TTC23: variants seen among roughly 807,000 people sequenced by gnomAD.
The protein encoded by TTC23 is tetratricopeptide repeat domain 23, also known as tetratricopeptide repeat protein 23.
A neutral mutation model predicts 55.1 loss-of-function variants in TTC23; 58 were observed. The observed-to-expected ratio is 1.05, with a 90% CI of 0.85 to 1.31. The LOEUF (loss-of-function observed/expected upper bound fraction) is 1.31. Ranked by LOEUF, TTC23 falls within the 50% of genes most tolerant of loss-of-function variation. The pLI is 0.00. For synonymous variants in TTC23, 203 were observed against 199.9 expected (o/e 1.02, Z -0.13); for missense variants, 516 against 534.4 (o/e 0.97, Z 0.34).
intron 9 of TTC23, among the ~76,000 whole-genome samples, chr15:99,189,143 CAAGT>C (rs1388084332): frequency 6.6e-6 from 1 of 152,022 alleles, no homozygotes; most frequent in Non-Finnish European, 1.5e-5. Flanking sequence ...TACATCTCTA[CAAGT>C]AAGGGAGATT....
intron 12 of TTC23, among the ~76,000 whole-genome samples, chr15:99,147,175 G>T (rs2068992432): frequency 6.7e-6 from 1 of 149,284 alleles, no homozygotes; most frequent in Non-Finnish European, 1.5e-5. Flanking sequence ...GCCTCTCAAA[G>T]TGTTGGGATT....
rs1347595740 is a variant in TTC23, at chr15:99,161,786, A to G, written c.947T>C (p.Ile316Thr). ...TAGAAAATGGCAAAATTCATCTTGA[A>G]TTGAAAGAAATTTGGTTCTTCCCAT... ...EGMGRTKFLS[I>T]QDEFCHFLQM... The change falls in exon 11 of 14, where the codon ATT becomes ACT. Residue 316 changes from isoleucine (I) to threonine (T), a missense_variant. Ile to Thr is a moderately conservative substitution (Grantham distance 89). Transcript: ENST00000394132. 6.2e-7 allele frequency: 1 copy of G among 1,613,632 alleles called. No individual in the cohort carries two copies. Among genetic ancestry groups the G allele is most frequent in the African/African-American group, 1.3e-5 (1 of 75,032 alleles).
chr15:99,204,908 C>CCTGTG (rs2076497140), intron 8 of TTC23, among the ~76,000 whole-genome samples: 1 of 152,076 alleles, frequency 6.6e-6, no homozygotes, highest in Non-Finnish European at 1.5e-5. Context: ...AGTGCTGGGA[C>CCTGTG]TACAGGCATG....
intron 11 of TTC23, chr15:99,158,172 G>A (rs1195657885): frequency 6.6e-6 from 1 of 152,222 alleles, no homozygotes; most frequent in African/African-American, 2.4e-5. Flanking sequence ...AGGCCCCACT[G>A]AGGTACATGA....
intron 4 of TTC23, among the ~76,000 whole-genome samples, chr15:99,228,949 T>C (rs1349813398): frequency 9.3e-6 from 1 of 107,678 alleles, no homozygotes; most frequent in Non-Finnish European, 2.0e-5. Flanking sequence ...TATGCCTACA[T>C]ACATATACAC....
chr15:99,156,164 C>T lies in TTC23; in HGVS notation c.1127G>A (p.Arg376His), dbSNP rs757937021. 2.3e-5 allele frequency: 37 copies of T among 1,614,080 alleles called. No individual in the cohort carries two copies. The highest frequency in any genetic ancestry group is 4.0e-5 in the African/African-American group (3 of 74,920). Residue 376 changes from arginine (R) to histidine (H), a missense_variant, in exon 12 of 14, where the codon CGC (arginine) becomes CAC (histidine). Coordinates refer to ENST00000394132, the MANE Select transcript of TTC23 (RefSeq NM_001288615.3). ...CAGCTTTACCTTCTTCAGTTTCTTG[C>T]GGGCCCCACTGTGGTTCCCCTGCGC... ...DLAQGNHSGARKKLKKCLQIQ... is the reference protein window; with the variant it reads ...DLAQGNHSGAHKKLKKCLQIQ...
In TTC23 at chr15:99,209,875, C is replaced by T. The variant is rs73463400; in HGVS notation, c.581+8713G>A. On this transcript the variant is annotated intron_variant, in intron 8 of 13. Transcript: ENST00000394132. Reference sequence around the variant, plus strand: ...TCAGCCTCTGGAATAGCTGGGACTACAGGTGTATGCTACAACGCCTGGCTA... The same window carrying T: ...TCAGCCTCTGGAATAGCTGGGACTATAGGTGTATGCTACAACGCCTGGCTA... 9.8e-3 allele frequency among the ~76,000 whole-genome samples: 1,492 copies of T among 152,236 alleles called. 27 individuals are homozygous for T. Among genetic ancestry groups the T allele is most frequent in the African/African-American group, 0.034 (1,420 of 41,522 alleles).
chr15:99,189,044 T>A (rs76265735), intron 9 of TTC23, among the ~76,000 whole-genome samples: 5 of 107,566 alleles, frequency 4.6e-5, no homozygotes, highest in Admixed American at 9.7e-5. Context: ...AATAAAAAAA[T>A]AATTTCAAAA....
At chr15:99,202,601 C>T (rs2076289575) in intron 8 of TTC23, among the ~76,000 whole-genome samples, 1 of 152,170 alleles carries the variant, frequency 6.6e-6, no homozygotes, top group Non-Finnish European at 1.5e-5. Flanking sequence ...TAGGTGAAGA[C>T]CACGGAAAAC....
At chr15:99,244,033 T>TC (rs2080027948) in intron 2 of TTC23, among the ~76,000 whole-genome samples, 1 of 152,178 alleles carries the variant, frequency 6.6e-6, no homozygotes, top group Non-Finnish European at 1.5e-5. Context: ...AGATACCCAC[T>TC]TACTCTGATG....
intron 8 of TTC23, among the ~76,000 whole-genome samples, chr15:99,207,487 G>A (rs1288646875): frequency 3.3e-5 from 5 of 152,126 alleles, no homozygotes; most frequent in South Asian, 2.1e-4. Context: ...GGCCAGGTGC[G>A]GTAGCTCATG....
chr15:99,162,495 C>T (rs962876041), intron 10 of TTC23, among the ~76,000 whole-genome samples: 4 of 152,034 alleles, frequency 2.6e-5, no homozygotes, highest in Non-Finnish European at 4.4e-5. Context: ...GAGAAGTGAG[C>T]GGGAGCTGAG....
chr15:99,190,586 T>C (rs1029651983), intron 9 of TTC23, among the ~76,000 whole-genome samples: 1 of 152,204 alleles, frequency 6.6e-6, no homozygotes, highest in Non-Finnish European at 1.5e-5. Context: ...TTTGTATGTA[T>C]GTCTATATAG....
intron 9 of TTC23, among the ~76,000 whole-genome samples, chr15:99,199,108 G>A (rs950183429): frequency 1.3e-4 from 20 of 152,168 alleles, no homozygotes; most frequent in African/African-American, 4.8e-4. Context: ...TTTTAAAGGA[G>A]ATGACCCTGG....
chr15:99,210,359 A>G (rs2076949313), intron 8 of TTC23, among the ~76,000 whole-genome samples: 1 of 152,180 alleles, frequency 6.6e-6, no homozygotes, highest in Non-Finnish European at 1.5e-5. Context: ...CATTGAAAAT[A>G]ATAATAATAA....
chr15:99,245,890 C>T (rs1241845591), intron 1 of TTC23, among the ~76,000 whole-genome samples: 2 of 151,540 alleles, frequency 1.3e-5, no homozygotes, highest in Admixed American at 6.6e-5. Flanking sequence ...CTGCAACCTC[C>T]ACCTCCCAGG....
intron 9 of TTC23, among the ~76,000 whole-genome samples, chr15:99,197,884 C>T (rs1189394369): frequency 6.7e-6 from 1 of 149,556 alleles, no homozygotes; most frequent in Non-Finnish European, 1.5e-5. Flanking sequence ...GCCTGGGCAA[C>T]AGAGCAAGAC....
chr15:99,241,044 C>CG (rs964858816), intron 3 of TTC23, among the ~76,000 whole-genome samples: 1 of 152,088 alleles, frequency 6.6e-6, no homozygotes, highest in African/African-American at 2.4e-5. Flanking sequence ...AGGCAGGGCG[C>CG]GGGGGCTCAT....
In TTC23 at chr15:99,139,771, TG is replaced by T. The variant is rs201107493; in HGVS notation, c.1144-373del. ...TGGAAAAGATTTAAAAAAATAGTTTTGTTTTTTTTGTAAACACATACTCTAC... is the reference window on the plus strand; with the variant it reads ...TGGAAAAGATTTAAAAAAATAGTTTTTTTTTTTTGTAAACACATACTCTAC... On this transcript the variant is annotated intron_variant, in intron 12 of 13. Coordinates refer to ENST00000394132, the MANE Select transcript of TTC23 (RefSeq NM_001288615.3). The T allele has an allele frequency of 1.1e-4, 145 of 1,298,670 alleles. 1 individual carries two copies. Among genetic ancestry groups the T allele is most frequent in the African/African-American group, 4.0e-4 (26 of 65,018 alleles). 80.4% of individuals were successfully genotyped at this position (1,298,670 alleles called of 1,614,324 possible). A position where few individuals can be genotyped will look rare whatever the true frequency, so the allele number is the denominator to read the frequency against.
Sources: allele counts gnomAD v4.1 joint callset (sites outside exome capture counted in the v4.1 genomes callset), GRCh38; gene constraint gnomAD v4.1.1; transcripts MANE v1.5; gene names NCBI Gene and HGNC (gene_info 2026-07-23, HGNC 2026-07-21).